NOL4: variants seen among roughly 807,000 people sequenced by gnomAD.
The protein encoded by NOL4 is cancer/testis antigen 125.
In NOL4, 17 loss-of-function variants were observed where a neutral mutation model predicts 75.9. The observed-to-expected ratio is 0.22, with a 90% CI of 0.15 to 0.34. The LOEUF is 0.34. Ranked by LOEUF, NOL4 falls within the 10% of genes least tolerant of loss-of-function variation. NOL4 has a pLI of 1.00. For missense variants in NOL4, 614 were observed against 793.5 expected (o/e 0.77, Z 2.72); for synonymous variants, 292 against 289.9 (o/e 1.01, Z -0.07).
rs757428614 is a variant in NOL4 at position 34,104,172 on chromosome 18, A to G, written c.527-13T>C. The G allele has an allele frequency of 4.0e-5, 58 of 1,464,716 alleles. No individual in the cohort carries two copies. Among genetic ancestry groups the G allele is most frequent in the Non-Finnish European group, 4.9e-5 (51 of 1,045,204 alleles). The allele number at this position is 1,464,716 out of a possible 1,614,324, so 90.7% of individuals were successfully genotyped here. A position where few individuals can be genotyped will look rare whatever the true frequency, so the allele number is the denominator to read the frequency against. Reference sequence around the variant, plus strand: ...GGTTTTCCATTATCTGTAATAAAACATTTTTAATGGGTAATGAAAGTAATA... The same window carrying G: ...GGTTTTCCATTATCTGTAATAAAACGTTTTTAATGGGTAATGAAAGTAATA... On this transcript the variant is annotated splice_polypyrimidine_tract_variant and intron_variant, in intron 3 of 10. Coordinates refer to ENST00000261592, the MANE Select transcript of NOL4 (RefSeq NM_003787.5).
chr18:33,981,895 C>T (rs984867062), intron 6 of NOL4, among the ~76,000 whole-genome samples: 9 of 151,946 alleles, frequency 5.9e-5, no homozygotes, highest in South Asian at 2.1e-4. Flanking sequence ...ATAACAAGAA[C>T]ATAAGAGAAG....
At chr18:34,170,200 G>A (rs555198723) in intron 1 of NOL4, among the ~76,000 whole-genome samples, 2 of 147,164 alleles carry the variant, frequency 1.4e-5, no homozygotes, top group Non-Finnish European at 3.0e-5. Context: ...TTTTTGAGAC[G>A]AAGTCTCATT....
chr18:34,093,030 A>G (rs1379573678), intron 5 of NOL4, among the ~76,000 whole-genome samples: 1 of 152,200 alleles, frequency 6.6e-6, no homozygotes, highest in African/African-American at 2.4e-5. Context: ...ATTTCCTTTA[A>G]TATCTAGTGA....
At chr18:34,026,233 A>T (rs1375557959) in intron 5 of NOL4, among the ~76,000 whole-genome samples, 1 of 152,056 alleles carries the variant, frequency 6.6e-6, no homozygotes, top group Non-Finnish European at 1.5e-5. Flanking sequence ...ACTGGAAGAG[A>T]TGGATAATTG....
At chr18:34,174,148 A>G (rs1159716639) in intron 1 of NOL4, among the ~76,000 whole-genome samples, 1 of 152,164 alleles carries the variant, frequency 6.6e-6, no homozygotes, top group East Asian at 1.9e-4. Context: ...GTAGTGTCCT[A>G]CCAATTTGCT....
intron 9 of NOL4, among the ~76,000 whole-genome samples, chr18:33,902,865 T>C (rs1039857979): frequency 6.6e-6 from 1 of 152,198 alleles, no homozygotes; most frequent in Non-Finnish European, 1.5e-5. Flanking sequence ...CAAACTGAAA[T>C]TTAAAAGGCT....
At chr18:33,980,940 T>C (rs546182677) in intron 6 of NOL4, among the ~76,000 whole-genome samples, 1 of 152,056 alleles carries the variant, frequency 6.6e-6, no homozygotes, top group Admixed American at 6.6e-5. Context: ...GGGAATCTAA[T>C]AGAAAAACTA....
intron 9 of NOL4, among the ~76,000 whole-genome samples, chr18:33,937,027 G>A (rs922034748): frequency 2.0e-5 from 3 of 152,004 alleles, no homozygotes; most frequent in Non-Finnish European, 4.4e-5. Flanking sequence ...TTTGAGCTAT[G>A]TCATAGAACT....
chr18:33,962,994 A>G (rs895317168), intron 6 of NOL4, among the ~76,000 whole-genome samples: 2 of 152,158 alleles, frequency 1.3e-5, no homozygotes, highest in African/African-American at 2.4e-5. Context: ...AACAAACTGA[A>G]ATTTTTATAA....
intron 5 of NOL4, among the ~76,000 whole-genome samples, chr18:34,034,173 C>G (rs1327004820): frequency 6.6e-6 from 1 of 152,038 alleles, no homozygotes; most frequent in East Asian, 1.9e-4. Flanking sequence ...TACAGAAAAC[C>G]ACCAAACCAA....
At position 33,926,990 on chromosome 18, in the gene NOL4, C is replaced by T. The variant is rs577560500; in HGVS notation, c.1542+16075G>A. Among the ~76,000 whole-genome samples the T allele has an allele frequency of 3.3e-5, 5 of 152,164 alleles. No homozygotes were observed. The South Asian group carries it at 1.0e-3, about 32-fold the overall frequency. On this transcript the variant is annotated intron_variant, in intron 9 of 10. Transcript: ENST00000261592. ...GTTACAGCTATAATCTTTTTATGTA[C>T]TTTGGCTCTCTGTCCTTTTTCCAGA...
intron 1 of NOL4, among the ~76,000 whole-genome samples, chr18:34,193,238 A>C (rs2035054148): frequency 6.6e-6 from 1 of 152,338 alleles, no homozygotes; most frequent in South Asian, 2.1e-4. Context: ...ACACAGCAAA[A>C]AAAGCAGAAA....
chr18:33,950,891 C>G (rs1341210861), intron 8 of NOL4, among the ~76,000 whole-genome samples: 1 of 152,094 alleles, frequency 6.6e-6, no homozygotes, highest in African/African-American at 2.4e-5. Flanking sequence ...CTCACACACA[C>G]CAGGTACCAT....
chr18:33,989,409 A>G (rs2072751126), intron 6 of NOL4, among the ~76,000 whole-genome samples: 5 of 152,016 alleles, frequency 3.3e-5, no homozygotes, highest in Admixed American at 3.3e-4. Context: ...CAATGAAAAT[A>G]GCTTGCTAGA....
intron 1 of NOL4, among the ~76,000 whole-genome samples, chr18:34,149,184 A>T (rs1489392664): frequency 1.3e-5 from 2 of 151,662 alleles, no homozygotes; most frequent in African/African-American, 2.4e-5. Context: ...GAGCAAAGAA[A>T]ATAAAAATTA....
rs936104328 is a variant in NOL4 at position 34,223,421 on chromosome 18, C to CG, written c.-169dup. The CG allele has an allele frequency of 9.1e-6, 8 of 877,498 alleles. No individual in the cohort carries two copies. In the African/African-American group the frequency reaches 1.4e-4, roughly 15 times the overall value. 54.4% of individuals were successfully genotyped at this position (877,498 alleles called of 1,614,324 possible). A position where few individuals can be genotyped will look rare whatever the true frequency, so the allele number is the denominator to read the frequency against. On this transcript the variant is annotated 5_prime_UTR_variant, in exon 1 of 11. Coordinates refer to ENST00000261592, the MANE Select transcript of NOL4 (RefSeq NM_003787.5). The stretch of plus-strand genomic sequence containing the variant: ...GGGATGGGAAGAGGGGAGGAGGGTC[C>CG]GGTTGGGCACCAGCAATCAATGCCC...
chr18:34,008,657 C>T (rs1305107945), intron 6 of NOL4, among the ~76,000 whole-genome samples: 1 of 151,902 alleles, frequency 6.6e-6, no homozygotes, highest in Admixed American at 6.6e-5. Flanking sequence ...CCTTTACCAG[C>T]CCGCCATGAT....
chr18:34,119,919 G>T (rs1468503953), intron 2 of NOL4, among the ~76,000 whole-genome samples: 1 of 152,096 alleles, frequency 6.6e-6, no homozygotes, highest in Non-Finnish European at 1.5e-5. Flanking sequence ...ACCGCGCCCG[G>T]CCTGATTTTT....
At chr18:34,031,272 A>G (rs1037777872) in intron 5 of NOL4, among the ~76,000 whole-genome samples, 2 of 152,212 alleles carry the variant, frequency 1.3e-5, no homozygotes, top group Non-Finnish European at 2.9e-5. Context: ...TCAAACTCTC[A>G]GCGATGAAGA....
Sources: allele counts gnomAD v4.1 joint callset (sites outside exome capture counted in the v4.1 genomes callset), GRCh38; gene constraint gnomAD v4.1.1; transcripts MANE v1.5; gene names NCBI Gene and HGNC (gene_info 2026-07-23, HGNC 2026-07-21).